Variants in RANBP17 observed in about 807,000 individuals in gnomAD.
The protein encoded by RANBP17 is ran-binding protein 17.
RANBP17 carries 158 observed loss-of-function variants against 141.2 expected under a neutral mutation model. The ratio of observed to expected loss-of-function variants is 1.12; its 90% confidence interval spans 0.98 to 1.28. The LOEUF (loss-of-function observed/expected upper bound fraction) is 1.28, where lower values mean the gene tolerates loss of function less well. Ranked by LOEUF, RANBP17 falls within the 50% of genes most tolerant of loss-of-function variation. The probability of loss-of-function intolerance (pLI) is 0.00; values close to 1 mark genes in which losing one functional copy is unlikely to be tolerated. For synonymous variants in RANBP17, 430 were observed against 450.0 expected, an observed-to-expected ratio of 0.96 and a Z score of 0.56; for missense variants, 1,438 against 1,290.7, an observed-to-expected ratio of 1.11 and a Z score of -1.75.
chr5:170,862,363 C>T (rs1226042415), intron 1 of RANBP17, among the ~76,000 whole-genome samples: 1 of 152,168 alleles, frequency 6.6e-6, no homozygotes, highest in Non-Finnish European at 1.5e-5. Context: ...CGCTCGCTGA[C>T]CGCGGCTTTA....
intron 14 of RANBP17, among the ~76,000 whole-genome samples, chr5:170,976,901 G>T (rs888928115): frequency 2.6e-5 from 4 of 151,990 alleles, no homozygotes; most frequent in African/African-American, 7.2e-5. Flanking sequence ...AATATAAAAT[G>T]CTTAAAACAT....
intron 21 of RANBP17, among the ~76,000 whole-genome samples, chr5:171,218,249 G>A (rs1407553623): frequency 6.6e-6 from 1 of 152,192 alleles, no homozygotes; most frequent in African/African-American, 2.4e-5. Flanking sequence ...ACTGTGGTCT[G>A]AGAGACAGTT....
intron 14 of RANBP17, among the ~76,000 whole-genome samples, chr5:171,091,803 C>G (rs565776000): frequency 6.6e-6 from 1 of 152,306 alleles, no homozygotes; most frequent in Non-Finnish European, 1.5e-5. Flanking sequence ...TTGCCTTTCA[C>G]CTTTCACCAT....
intron 14 of RANBP17, among the ~76,000 whole-genome samples, chr5:171,073,228 T>TA (rs1268962821): frequency 1.3e-5 from 2 of 151,990 alleles, no homozygotes; most frequent in Non-Finnish European, 2.9e-5. Context: ...CTGATGAATC[T>TA]AACTATATTA....
At chr5:171,048,992 A>G (rs1014326691) in intron 14 of RANBP17, among the ~76,000 whole-genome samples, 4 of 152,126 alleles carry the variant, frequency 2.6e-5, no homozygotes, top group Non-Finnish European at 5.9e-5. Context: ...TTGGGTGTGT[A>G]TCCAATAATG....
At chr5:171,052,514 CA>C in intron 14 of RANBP17, among the ~76,000 whole-genome samples, 1 of 152,228 alleles carries the variant, frequency 6.6e-6, no homozygotes, top group East Asian at 1.9e-4. Context: ...GCACCATAGT[CA>C]AAAAATCATT....
At chr5:171,010,787 G>A (rs1282580942) in intron 14 of RANBP17, among the ~76,000 whole-genome samples, 1 of 152,100 alleles carries the variant, frequency 6.6e-6, no homozygotes, top group Non-Finnish European at 1.5e-5. Context: ...GTTTATACCA[G>A]TAAATTTGAC....
chr5:171,112,716 A>G lies in RANBP17; in HGVS notation c.1711-57414A>G, dbSNP rs111992820. 9.9e-3 allele frequency among the ~76,000 whole-genome samples: 1,511 copies of G among 151,998 alleles called. 28 individuals carry two copies. The highest frequency in any genetic ancestry group is 0.035 in the African/African-American group (1,452 of 41,514). The stretch of plus-strand genomic sequence containing the variant: ...GTAACAATGACCTGCTTGCAGCATA[A>G]TATCCTTTGTTTCCATGGTATAATC... On this transcript the variant is annotated intron_variant, in intron 14 of 27. Coordinates refer to ENST00000523189, the MANE Select transcript of RANBP17 (RefSeq NM_022897.5).
chr5:171,033,369 A>G (rs957197122), intron 14 of RANBP17, among the ~76,000 whole-genome samples: 7 of 152,148 alleles, frequency 4.6e-5, no homozygotes, highest in African/African-American at 1.7e-4. Context: ...ATTGTAAAAG[A>G]CTTTTGATGT....
At chr5:170,970,161 C>A (rs561534681) in intron 14 of RANBP17, among the ~76,000 whole-genome samples, 2 of 151,300 alleles carry the variant, frequency 1.3e-5, no homozygotes, top group Non-Finnish European at 2.9e-5. Flanking sequence ...TAAGACATTT[C>A]GTAAGTACTA....
chr5:171,045,872 C>T (rs1782549147), intron 14 of RANBP17, among the ~76,000 whole-genome samples: 2 of 152,168 alleles, frequency 1.3e-5, no homozygotes, highest in Admixed American at 1.3e-4. Context: ...GGTGTCACAT[C>T]TTCCCTCTGT....
At position 170,955,648 on chromosome 5, in the gene RANBP17, G is replaced by GTGTA. The variant is rs1242245418; in HGVS notation, c.1574+1947_1574+1948insGTAT. ...ATATATATATATATATATGCTCAGT[G>GTGTA]TATATATATATATATATATATATAT... On this transcript the variant is annotated intron_variant, in intron 13 of 27. Transcript: ENST00000523189. 3.4e-3 allele frequency among the ~76,000 whole-genome samples: 75 copies of GTGTA among 21,760 alleles called. 8 individuals carry two copies. The highest frequency in any genetic ancestry group is 9.4e-3 in the African/African-American group (64 of 6,794). The allele number at this position is 21,760 out of a possible 152,430, so 14.3% of individuals were successfully genotyped here.
At chr5:171,282,430 A>G (rs72829427) in intron 25 of RANBP17, among the ~76,000 whole-genome samples, 18,709 of 152,054 alleles carry the variant, frequency 0.12, 1,456 homozygotes, top group East Asian at 0.21. Flanking sequence ...TGGCTTCCCA[A>G]TCCTAGAAAA....
chr5:171,203,314 T>G (rs1204634632), intron 19 of RANBP17, among the ~76,000 whole-genome samples: 1 of 152,220 alleles, frequency 6.6e-6, no homozygotes, highest in African/African-American at 2.4e-5. Flanking sequence ...GTTGAGCTCT[T>G]AGTTAACAGC....
chr5:171,022,386 G>A (rs143766727), intron 14 of RANBP17, among the ~76,000 whole-genome samples: 1,690 of 152,294 alleles, frequency 0.011, 29 homozygotes, highest in African/African-American at 0.038. Context: ...TCAGAACTAC[G>A]AGGAGGAAAG....
chr5:171,076,062 A>G (rs181742070), intron 14 of RANBP17, among the ~76,000 whole-genome samples: 73 of 152,346 alleles, frequency 4.8e-4, no homozygotes, highest in African/African-American at 1.7e-3. Flanking sequence ...AGACAAAAAG[A>G]TGTACATATG....
rs541682132 is a variant in RANBP17 at position 171,008,204 on chromosome 5, C to A, written c.1710+39827C>A. On this transcript the variant is annotated intron_variant, in intron 14 of 27. Transcript: ENST00000523189. Reference sequence around the variant, plus strand: ...TGTCTGTACTAGAGAGGGAAAAGATCTGGAATTGGAAGGACAGGGAGATTG... The same window carrying A: ...TGTCTGTACTAGAGAGGGAAAAGATATGGAATTGGAAGGACAGGGAGATTG... 8.5e-5 allele frequency among the ~76,000 whole-genome samples: 13 copies of A among 152,280 alleles called. No homozygotes were observed. The South Asian group carries it at 2.7e-3, about 32-fold the overall frequency.
At chr5:171,173,942 A>G (rs1760268910) in intron 16 of RANBP17, among the ~76,000 whole-genome samples, 1 of 152,140 alleles carries the variant, frequency 6.6e-6, no homozygotes, top group South Asian at 2.1e-4. Flanking sequence ...TTTTCATAGG[A>G]CTTCATAAAA....
At chr5:171,258,023 T>C (rs1387449615) in intron 24 of RANBP17, among the ~76,000 whole-genome samples, 1 of 151,472 alleles carries the variant, frequency 6.6e-6, no homozygotes, top group Non-Finnish European at 1.5e-5. Flanking sequence ...GGAGAATCGC[T>C]TGAACCCAGG....
Sources: gnomAD v4.1 joint callset for allele counts (sites outside exome capture counted in the v4.1 genomes callset) on GRCh38, gnomAD v4.1.1 for gene constraint, MANE v1.5 for transcripts, NCBI Gene and HGNC (gene_info 2026-07-23, HGNC 2026-07-21) for gene names.